Variants in NALCN observed in about 807,000 individuals in gnomAD.
NALCN encodes sodium leak channel, non-selective, also known as sodium leak channel NALCN.
Under a neutral mutation model 225.3 loss-of-function variants are expected in NALCN, and 111 were observed. The observed-to-expected ratio is 0.49, with a 90% CI of 0.42 to 0.58. NALCN has a LOEUF of 0.58. NALCN is among the 20% of genes least tolerant of loss of function. The pLI, the probability that NALCN is intolerant of heterozygous loss-of-function variation, is 0.00. For synonymous variants in NALCN, 764 were observed against 769.0 expected (o/e 0.99, Z 0.11); for missense variants, 1,378 against 2,202.4 (o/e 0.63, Z 7.49).
chr13:101,136,412 A>G (rs962764792), intron 17 of NALCN, among the ~76,000 whole-genome samples: 1 of 151,974 alleles, frequency 6.6e-6, no homozygotes. Flanking sequence ...CCATTAACTC[A>G]TCATTTACAT....
chr13:101,219,103 A>G lies in NALCN; in HGVS notation c.1626+10290T>C, dbSNP rs114749483. Reference sequence around the variant, plus strand: ...AGGTTCTGGGAGTTGGGATATCAACATACATTTTTGGGGGAACACTGACAA... The same window carrying G: ...AGGTTCTGGGAGTTGGGATATCAACGTACATTTTTGGGGGAACACTGACAA... On this transcript the variant is annotated intron_variant, in intron 13 of 43. Coordinates refer to ENST00000251127, the MANE Select transcript of NALCN (RefSeq NM_052867.4). Among the ~76,000 whole-genome samples, 594 of 152,300 alleles carry G rather than the reference A, an allele frequency of 3.9e-3. 3 individuals carry two copies. The highest frequency in any genetic ancestry group is 0.013 in the African/African-American group (557 of 41,572).
chr13:101,371,740 A>T (rs1303288163), intron 6 of NALCN, among the ~76,000 whole-genome samples: 3 of 152,158 alleles, frequency 2.0e-5, no homozygotes, highest in African/African-American at 7.2e-5. Context: ...TGACAGTGGA[A>T]TGAGAGTTGC....
chr13:101,159,053 T>C (rs767864078), intron 15 of NALCN, among the ~76,000 whole-genome samples: 1 of 152,228 alleles, frequency 6.6e-6, no homozygotes. Context: ...GTTGAAGGCA[T>C]ATGAGAATCC....
chr13:101,356,774 A>G (rs984522737), intron 6 of NALCN, among the ~76,000 whole-genome samples: 3 of 152,228 alleles, frequency 2.0e-5, no homozygotes, highest in Admixed American at 6.5e-5. Context: ...ATGAACATCA[A>G]TGCAAAAATC....
intron 15 of NALCN, among the ~76,000 whole-genome samples, chr13:101,175,275 G>A (rs7319566): frequency 0.25 from 36,900 of 147,074 alleles, 5,285 homozygotes; most frequent in Non-Finnish European, 0.33. Context: ...TTTTTTCCTT[G>A]TTGATACCCT....
intron 6 of NALCN, among the ~76,000 whole-genome samples, chr13:101,374,298 C>T (rs773420591): frequency 2.2e-4 from 26 of 119,900 alleles, no homozygotes; most frequent in African/African-American, 7.1e-4. Flanking sequence ...TTTTTTGAGA[C>T]GGAGTCTTGC....
intron 12 of NALCN, among the ~76,000 whole-genome samples, chr13:101,233,567 C>T (rs561303581): frequency 5.3e-5 from 8 of 152,056 alleles, no homozygotes; most frequent in African/African-American, 1.7e-4. Context: ...GTCTTGATCT[C>T]CTGACCTCGT....
intron 6 of NALCN, among the ~76,000 whole-genome samples, chr13:101,371,392 C>T (rs547430406): frequency 6.6e-5 from 10 of 152,274 alleles, no homozygotes; most frequent in East Asian, 1.9e-4. Flanking sequence ...AATCATAGCT[C>T]ACTCTAGTCT....
rs1017615708 is a variant in NALCN, at chr13:101,325,435, G to A, written c.799+19831C>T. ...GTTAATGGTCACTGTAAATCACAAC[G>A]ATTCACAAATCCTCTTGAATTTTGC... is the stretch of plus-strand genomic sequence containing the variant. On this transcript the variant is annotated intron_variant, in intron 7 of 43. Transcript: ENST00000251127. Among the ~76,000 whole-genome samples, 5 of 152,138 alleles carry A rather than the reference G, an allele frequency of 3.3e-5. No homozygotes were observed. In the East Asian group the frequency reaches 7.7e-4, roughly 23 times the overall value.
In NALCN at chr13:101,171,383, A is replaced by T. The variant is rs1043810650; in HGVS notation, c.1839+4917T>A. On this transcript the variant is annotated intron_variant, in intron 15 of 43. Coordinates refer to ENST00000251127, the MANE Select transcript of NALCN (RefSeq NM_052867.4). ...TATTTTTGTATTTAATGTATGACATATACATATATGTTACATATATTACAT... is the reference window on the plus strand; with the variant it reads ...TATTTTTGTATTTAATGTATGACATTTACATATATGTTACATATATTACAT... Among the ~76,000 whole-genome samples, 66 of 150,362 alleles carry T rather than the reference A, an allele frequency of 4.4e-4. 2 individuals are homozygous for T. Among genetic ancestry groups the T allele is most frequent in the Non-Finnish European group, 1.5e-5 (1 of 67,698 alleles).
intron 1 of NALCN, among the ~76,000 whole-genome samples, chr13:101,411,779 ATTT>A (rs1281858282): frequency 6.6e-6 from 1 of 152,122 alleles, no homozygotes; most frequent in Non-Finnish European, 1.5e-5. Flanking sequence ...TAATCAAACA[ATTT>A]TTTGAACTGT....
rs929371749 is a variant in NALCN at position 101,387,239 on chromosome 13, A to C, written c.291+7944T>G. Reference sequence around the variant, plus strand: ...CGAGACTCCGTCTCAAAAAAAAAAAAAAAAAAAAAAAAAAACAGGTTAGCA... The same window carrying C: ...CGAGACTCCGTCTCAAAAAAAAAAACAAAAAAAAAAAAAAACAGGTTAGCA... On this transcript the variant is annotated intron_variant, in intron 3 of 43. Coordinates refer to ENST00000251127, the MANE Select transcript of NALCN (RefSeq NM_052867.4). Among the ~76,000 whole-genome samples the C allele has an allele frequency of 1.9e-4, 28 of 149,248 alleles. No individual in the cohort carries two copies. In the East Asian group the frequency reaches 2.1e-3, roughly 11 times the overall value.
chr13:101,398,208 A>G (rs997290860), intron 2 of NALCN, among the ~76,000 whole-genome samples: 4 of 152,220 alleles, frequency 2.6e-5, no homozygotes, highest in Non-Finnish European at 4.4e-5. Flanking sequence ...ATAGAAATAT[A>G]GAAAGAAATG....
rs373922328 is a variant in NALCN, at chr13:101,076,190, A to T, written c.3886-249T>A. On this transcript the variant is annotated intron_variant, in intron 34 of 43. Coordinates refer to ENST00000251127, the MANE Select transcript of NALCN (RefSeq NM_052867.4). ...GCTCAGCTAAATTCTGTATTTTGAAATTTATTTTACATAAAATGGTGACCA... is the reference window on the plus strand; with the variant it reads ...GCTCAGCTAAATTCTGTATTTTGAATTTTATTTTACATAAAATGGTGACCA... Among the ~76,000 whole-genome samples the T allele has an allele frequency of 3.3e-5, 5 of 152,354 alleles. No individual in the cohort carries two copies. In the East Asian group the frequency reaches 9.6e-4, roughly 29 times the overall value.
In NALCN at chr13:101,103,243, T is replaced by C; in HGVS notation, c.2986A>G (p.Ile996Val). The C allele has an allele frequency of 6.2e-7, 1 of 1,614,016 alleles. No individual in the cohort carries two copies. Among genetic ancestry groups the C allele is most frequent in the Non-Finnish European group, 8.5e-7 (1 of 1,179,926 alleles). Residue 996 changes from isoleucine to valine, a missense_variant, in exon 26 of 44, where the codon ATA becomes GTA. By Grantham distance (29) the Ile-to-Val change is conservative. This residue lies in a region of NALCN where 292 missense variants were observed against 409.5 expected (regional missense o/e 0.71). Transcript: ENST00000251127. ...MVLRCLRPLR[I>V]FKLVPQMRKV... ...CTCATCTGGGGCACCAGTTTGAATA[T>C]GCGCAGAGGTCTCAGGCACCGAAGG... is the stretch of plus-strand genomic sequence containing the variant.
At chr13:101,077,587 A>G (rs1940520402) in intron 34 of NALCN, among the ~76,000 whole-genome samples, 1 of 152,162 alleles carries the variant, frequency 6.6e-6, no homozygotes, top group Non-Finnish European at 1.5e-5. Flanking sequence ...GATCTGTGGA[A>G]CTTTGAATTT....
intron 9 of NALCN, among the ~76,000 whole-genome samples, chr13:101,290,452 T>C (rs2043511804): frequency 6.6e-6 from 1 of 152,160 alleles, no homozygotes; most frequent in African/African-American, 2.4e-5. Context: ...CTCTCATAGT[T>C]TGCAAAAAGA....
chr13:101,098,578 C>A (rs916284684), intron 27 of NALCN, among the ~76,000 whole-genome samples: 2 of 152,208 alleles, frequency 1.3e-5, no homozygotes, highest in African/African-American at 2.4e-5. Context: ...CAGCCTCATA[C>A]AAGAAAACAC....
intron 15 of NALCN, among the ~76,000 whole-genome samples, chr13:101,152,856 A>T (rs1342247896): frequency 6.6e-6 from 1 of 151,876 alleles, no homozygotes; most frequent in African/African-American, 2.4e-5. Context: ...TCAGTGTGAT[A>T]AAAAAAAGTA....
Sources: gnomAD v4.1 joint callset for allele counts (sites outside exome capture counted in the v4.1 genomes callset) on GRCh38, gnomAD v4.1.1 for gene constraint, gnomAD v4.1.1 regional missense constraint, MANE v1.5 for transcripts, NCBI Gene and HGNC (gene_info 2026-07-23, HGNC 2026-07-21) for gene names.